Variants in PRMT8 observed in about 807,000 individuals in gnomAD.
The protein encoded by PRMT8 is protein arginine N-methyltransferase 8.
In PRMT8, 7 loss-of-function variants were observed where a neutral mutation model predicts 47.1. The ratio of observed to expected loss-of-function variants is 0.15; its 90% CI spans 0.08 to 0.28. The LOEUF (loss-of-function observed/expected upper bound fraction) is 0.28. PRMT8 is among the 10% of genes least tolerant of loss of function. PRMT8 has a pLI of 1.00. For missense variants in PRMT8, 237 were observed against 505.4 expected (o/e 0.47, Z 5.09); for synonymous variants, 188 against 186.5 (o/e 1.01, Z -0.07).
In PRMT8 at chr12:3,576,778, G is replaced by A. The variant is rs1866953167; in HGVS notation, c.713-93G>A. On this transcript the variant is annotated intron_variant, in intron 6 of 9. Transcript: ENST00000382622. This position sits in a 1 kb window ranked among gnomAD's most constrained non-coding sequence, Gnocchi z 4.0. ...GCAAGGGAACTCGAGCTGCCACTCAGCCCTCAGGCACGCTGTGCTCTAGGA... is the reference window on the plus strand; with the variant it reads ...GCAAGGGAACTCGAGCTGCCACTCAACCCTCAGGCACGCTGTGCTCTAGGA... 4.3e-6 allele frequency: 4 copies of A among 935,474 alleles called. No individual in the cohort carries two copies. The Admixed American group carries it at 5.9e-5, about 14-fold the overall frequency. 57.9% of individuals were successfully genotyped at this position (935,474 alleles called of 1,614,324 possible). A position where few individuals can be genotyped will look rare whatever the true frequency, so the allele number is the denominator to read the frequency against.
upstream of PRMT8, among the ~76,000 whole-genome samples, chr12:3,489,807 T>A (rs1026354643): frequency 5.6e-5 from 8 of 144,092 alleles, no homozygotes; most frequent in African/African-American, 2.1e-4. Flanking sequence ...ATTCAAGTTT[T>A]CACACACACA....
chr12:3,457,064 GTTGTT>G (rs886944016), intron 1 of PRMT8, among the ~76,000 whole-genome samples: 79 of 152,274 alleles, frequency 5.2e-4, no homozygotes, highest in African/African-American at 1.6e-3. Context: ...GAAGAGTGCT[GTTGTT>G]TTGTTTTGTT....
chr12:3,397,033 G>A (rs1490443984), intron 1 of PRMT8, among the ~76,000 whole-genome samples: 5 of 151,702 alleles, frequency 3.3e-5, no homozygotes, highest in East Asian at 1.9e-4. Flanking sequence ...CATTCTTCAC[G>A]TAGTTCTCGA....
chr12:3,517,480 C>T (rs1214813907), intron 1 of PRMT8, among the ~76,000 whole-genome samples: 1 of 152,164 alleles, frequency 6.6e-6, no homozygotes, highest in Non-Finnish European at 1.5e-5. Flanking sequence ...GGGAGAAAAG[C>T]AGGCACTGCA....
Position 3,453,458 on chromosome 12 carries a change from C to T in PRMT8, c.48+72016C>T, listed in dbSNP as rs1381947140. 1.3e-5 allele frequency among the ~76,000 whole-genome samples: 2 copies of T among 152,166 alleles called. No homozygotes were observed. The highest frequency in any genetic ancestry group is 2.1e-4 in the South Asian group (1 of 4,832). On this transcript the variant is annotated intron_variant, in intron 1 of 9. Coordinates refer to the PRMT8 transcript ENST00000452611. This position sits in a 1 kb window ranked among gnomAD's most constrained non-coding sequence, Gnocchi z 4.9. ...CCAGCCCTGCCAAGTCTGAGTGAGT[C>T]CCCTGGAGGCTACTGCTGCTGGGAC...
At chr12:3,437,256 A>T (rs553248276) in intron 1 of PRMT8, among the ~76,000 whole-genome samples, 1 of 152,136 alleles carries the variant, frequency 6.6e-6, no homozygotes, top group Non-Finnish European at 1.5e-5. Context: ...ACCATATGAC[A>T]TAGAAAGTTT....
At chr12:3,482,499 A>T (rs1297599016) in intron 1 of PRMT8, among the ~76,000 whole-genome samples, 2 of 152,152 alleles carry the variant, frequency 1.3e-5, no homozygotes, top group Non-Finnish European at 2.9e-5. Flanking sequence ...ATAAAAAGCT[A>T]TGTCTTCAAC....
At chr12:3,581,732 A>C (rs1867069986) in intron 7 of PRMT8, among the ~76,000 whole-genome samples, 1 of 152,080 alleles carries the variant, frequency 6.6e-6, no homozygotes. Flanking sequence ...TTCCCAATCA[A>C]CAGTCAGAGA....
exon 1 of PRMT8, chr12:3,381,377 G>A (rs1003260654): frequency 2.0e-6 from 3 of 1,536,004 alleles, no homozygotes; most frequent in Admixed American, 2.0e-5. Flanking sequence ...CTTGCTGTTT[G>A]AATGTGTGCC....
At chr12:3,496,212 A>ATTTTTTTTTTTTTTTTTTTTTTTTTT (rs1444249290) in intron 1 of PRMT8, among the ~76,000 whole-genome samples, 4 of 19,396 alleles carry the variant, frequency 2.1e-4, no homozygotes, top group Admixed American at 7.6e-4. Flanking sequence ...ATATATATAT[A>ATTTTTTTTTTTTTTTTTTTTTTTTTT]TATTTTTTTT....
intron 2 of PRMT8, among the ~76,000 whole-genome samples, chr12:3,543,824 G>A (rs1287629502): frequency 1.3e-5 from 2 of 152,202 alleles, no homozygotes; most frequent in African/African-American, 4.8e-5. Context: ...AGCTGAAGTG[G>A]AAGATGTGTG....
intron 2 of PRMT8, among the ~76,000 whole-genome samples, chr12:3,542,564 A>G (rs1866250840): frequency 6.6e-6 from 1 of 152,192 alleles, no homozygotes; most frequent in Non-Finnish European, 1.5e-5. Context: ...TACCCATTTC[A>G]GGACAGATTC....
chr12:3,592,450 A>G, intron 9 of PRMT8, 98 bp downstream of exon 9: 3 of 1,351,110 alleles, frequency 2.2e-6, no homozygotes, highest in Non-Finnish European at 3.0e-6. Flanking sequence ...TCTCATGAAC[A>G]GTCAGAAACT....
intron 1 of PRMT8, among the ~76,000 whole-genome samples, chr12:3,423,400 A>G (rs1391961370): frequency 6.6e-6 from 1 of 152,210 alleles, no homozygotes; most frequent in African/African-American, 2.4e-5. Context: ...TTGGTTGAGC[A>G]TGTAAATGGG....
rs529878152 is a variant in PRMT8 at position 3,593,682 on chromosome 12, G to C, written c.*500G>C. 1 of 172,786 alleles carries C rather than the reference G, an allele frequency of 5.8e-6. No individual in the cohort carries two copies. Among genetic ancestry groups the C allele is most frequent in the Non-Finnish European group, 1.2e-5 (1 of 82,564 alleles). 10.7% of individuals were successfully genotyped at this position (172,786 alleles called of 1,614,324 possible). On this transcript the variant is annotated 3_prime_UTR_variant, in exon 10 of 10. Coordinates refer to ENST00000382622, the MANE Select transcript of PRMT8 (RefSeq NM_019854.5). The surrounding 1 kb of genome is among the most constrained non-coding windows in gnomAD (Gnocchi z 4.8). ...TTTACCCACAAACACCTGTATATGC[G>C]TGCATATACAACCAAGTGGGTAGAC...
intron 1 of PRMT8, among the ~76,000 whole-genome samples, chr12:3,518,436 C>A (rs948285662): frequency 2.0e-5 from 3 of 150,796 alleles, no homozygotes; most frequent in Non-Finnish European, 4.4e-5. Flanking sequence ...TTGGAAAATC[C>A]CCTCAGTTTA....
chr12:3,538,508 C>T lies in PRMT8; in HGVS notation c.76-2098C>T. 1.2e-5 allele frequency: 5 copies of T among 431,636 alleles called. No individual in the cohort carries two copies. The highest frequency in any genetic ancestry group is 8.7e-5 in the South Asian group (5 of 57,330). The allele number at this position is 431,636 out of a possible 1,614,324, so 26.7% of individuals were successfully genotyped here. On this transcript the variant is annotated intron_variant, in intron 1 of 9. Transcript: ENST00000382622. This position sits in a 1 kb window ranked among gnomAD's most constrained non-coding sequence, Gnocchi z 4.6. ...ACTCCCAGCCTCCGGGGAGTCTTAGCCTGTGGAGTCCCAGGAAGCACATGG... is the reference window on the plus strand; with the variant it reads ...ACTCCCAGCCTCCGGGGAGTCTTAGTCTGTGGAGTCCCAGGAAGCACATGG...
At chr12:3,531,604 G>C (rs1673393650) in intron 1 of PRMT8, among the ~76,000 whole-genome samples, 1 of 152,196 alleles carries the variant, frequency 6.6e-6, no homozygotes, top group South Asian at 2.1e-4. Context: ...AGCAGACATT[G>C]TTGTTGTACC....
rs1864168423 is a variant in PRMT8 at position 3,389,073 on chromosome 12, T to C, written c.48+7631T>C. 5.3e-5 allele frequency among the ~76,000 whole-genome samples: 8 copies of C among 152,330 alleles called. No individual in the cohort carries two copies. In the South Asian group the frequency reaches 1.7e-3, roughly 32 times the overall value. On this transcript the variant is annotated intron_variant, in intron 1 of 9. Coordinates refer to the PRMT8 transcript ENST00000452611. ...TGCCATTACATTCTGGAATCATCCA[T>C]TCCAGTGTGAGAAAGACCACTACAT...
Sources: allele counts gnomAD v4.1 joint callset (sites outside exome capture counted in the v4.1 genomes callset), GRCh38; gene constraint gnomAD v4.1.1; non-coding constraint Gnocchi (gnomAD v3.1); transcripts MANE v1.5; gene names NCBI Gene and HGNC (gene_info 2026-07-23, HGNC 2026-07-21).